The following CSRNP2 variants were observed in gnomAD, a reference collection of about 807,000 sequenced individuals.
The protein encoded by CSRNP2 is cysteine and serine rich nuclear protein 2.
Under a neutral mutation model 36.6 loss-of-function variants are expected in CSRNP2, and 11 were observed. That is an observed-to-expected ratio of 0.30 (90% confidence interval 0.19 to 0.50). CSRNP2 has a LOEUF of 0.50. Ranked by LOEUF, CSRNP2 falls within the 20% of genes least tolerant of loss-of-function variation. The pLI, the probability that CSRNP2 is intolerant of heterozygous loss-of-function variation, is 0.98. For synonymous variants in CSRNP2, 248 were observed against 275.3 expected, an observed-to-expected ratio of 0.90 and a Z score of 0.98; for missense variants, 483 against 691.4, an observed-to-expected ratio of 0.70 and a Z score of 3.38.
chr12:51,073,223 G>T (rs1395007542), intron 3 of CSRNP2, among the ~76,000 whole-genome samples: 1 of 142,518 alleles, frequency 7.0e-6, no homozygotes, highest in Non-Finnish European at 1.5e-5. Context: ...TGTCTCAAAA[G>T]AAAACATACA....
chr12:51,064,249 C>CT lies in CSRNP2; in HGVS notation c.1128dup (p.Ala377SerfsTer87). On this transcript the variant is annotated frameshift_variant, in exon 5 of 5. Transcript: ENST00000228515. LOFTEE classifies it high-confidence loss of function. ...AGCTGAGCCTGGATGAGAATGGGGGCTGTAAGGCCTGGGCACAGCTCTTCG... is the reference window on the plus strand; with the variant it reads ...AGCTGAGCCTGGATGAGAATGGGGGCTTGTAAGGCCTGGGCACAGCTCTTCG... The CT allele has an allele frequency of 6.2e-7, 1 of 1,613,106 alleles. No homozygotes were observed. Among genetic ancestry groups the CT allele is most frequent in the East Asian group, 2.2e-5 (1 of 44,868 alleles).
At chr12:51,076,798 T>G (rs1939421714) in intron 1 of CSRNP2, 151 bp from the exon 2 acceptor site, 2 of 482,134 alleles carry the variant, frequency 4.1e-6, no homozygotes, top group Non-Finnish European at 7.5e-6. Flanking sequence ...CTGGCCAACA[T>G]TCTCCTACTT....
intron 1 of CSRNP2, among the ~76,000 whole-genome samples, chr12:51,080,288 A>G (rs1939592263): frequency 6.6e-6 from 1 of 151,740 alleles, no homozygotes. Flanking sequence ...TCCGGTGAAT[A>G]TTTCTCTTTA....
Position 51,064,478 on chromosome 12 carries a change from G to A in CSRNP2, c.900C>T (p.Cys300=). ...CAGAGCCCTGTGCTCCTGTCAGGCT[G>A]CAACTGGCAGTCGGGGAGGGCTCCT... is the stretch of plus-strand genomic sequence containing the variant. The part of the protein sequence containing the change: ...PDEEPSPTAS[C]SLTGAQGSET... The change falls in exon 5 of 5, where the codon TGC becomes TGT. Residue 300 remains cysteine, a synonymous_variant. Transcript: ENST00000228515. 6.2e-7 allele frequency: 1 copy of A among 1,609,472 alleles called. No homozygotes were observed. Among genetic ancestry groups the A allele is most frequent in the Non-Finnish European group, 8.5e-7 (1 of 1,177,608 alleles).
At chr12:51,077,044 CAAAAAAAAAA>C (rs34490094) in intron 1 of CSRNP2, among the ~76,000 whole-genome samples, 1 of 126,748 alleles carries the variant, frequency 7.9e-6, no homozygotes, top group African/African-American at 3.0e-5. Flanking sequence ...GTTTGGTTGG[CAAAAAAAAAA>C]AAAAAAGGAA....
Position 51,067,585 on chromosome 12 carries a change from T to C in CSRNP2, c.708+88A>G, listed in dbSNP as rs1430607865. 8 of 1,323,230 alleles carry C rather than the reference T, an allele frequency of 6.0e-6. No homozygotes were observed. Among genetic ancestry groups the C allele is most frequent in the Non-Finnish European group, 8.5e-6 (8 of 942,494 alleles). 82.0% of individuals were successfully genotyped at this position (1,323,230 alleles called of 1,614,324 possible). On this transcript the variant is annotated intron_variant, in intron 4 of 4. Transcript: ENST00000228515. The surrounding 1 kb of genome is among the most constrained non-coding windows in gnomAD (Gnocchi z 4.1). The stretch of plus-strand genomic sequence containing the variant: ...TTCACAACCATAGGGAATCCACCCC[T>C]GAATGGGCCTCCCATGTTCAGTGGC...
At position 51,080,875 on chromosome 12, in the gene CSRNP2, C is replaced by A. The variant is rs142052857; in HGVS notation, c.-87+2464G>T. 7.5e-3 allele frequency among the ~76,000 whole-genome samples: 1,137 copies of A among 152,356 alleles called. 9 individuals carry two copies. Among genetic ancestry groups the A allele is most frequent in the African/African-American group, 0.026 (1,063 of 41,580 alleles). ...TCACTGGGCACCAAGAACAAACCTC[C>A]TGTTCACTTCCATGGTGCCCTGAAG... On this transcript the variant is annotated intron_variant, in intron 1 of 4. Transcript: ENST00000228515.
Position 51,064,176 on chromosome 12 carries a change from G to C in CSRNP2, c.1202C>G (p.Pro401Arg), listed in dbSNP as rs768093517. ...VLCFTENSDHPTASTVNSPSY... is the reference protein window; with the variant it reads ...VLCFTENSDHRTASTVNSPSY... Reference sequence around the variant, plus strand: ...TGGGCTGTTCACCGTTGAGGCAGTTGGGTGGTCTGAGTTCTCGGTAAAACA... The same window carrying C: ...TGGGCTGTTCACCGTTGAGGCAGTTCGGTGGTCTGAGTTCTCGGTAAAACA... Residue 401 changes from proline (P) to arginine (R), a missense_variant, in exon 5 of 5, where the codon CCA becomes CGA. This residue lies in a region of CSRNP2 where 277 missense variants were observed against 323.6 expected (regional missense o/e 0.86). Transcript: ENST00000228515. The C allele has an allele frequency of 2.0e-5, 33 of 1,614,168 alleles. No homozygotes were observed. Among genetic ancestry groups the C allele is most frequent in the Non-Finnish European group, 2.8e-5 (33 of 1,180,030 alleles).
At position 51,074,062 on chromosome 12, in the gene CSRNP2, G is replaced by T; in HGVS notation, c.172C>A (p.Gln58Lys). The T allele has an allele frequency of 1.9e-6, 3 of 1,614,116 alleles. No individual in the cohort carries two copies. Among genetic ancestry groups the T allele is most frequent in the Non-Finnish European group, 2.5e-6 (3 of 1,180,008 alleles). ...ACATTCTTCCTCCGCAGCTGCTTCT[G>T]CCGCTTCAGGATGGATGTGGCTGAG... The part of the protein sequence containing the change: ...SFTPTSILKR[Q>K]KQLRRKNVRF... The change falls in exon 3 of 5, where the codon CAG (glutamine) becomes AAG (lysine). Residue 58 changes from glutamine to lysine, a missense_variant. This residue lies in a region of CSRNP2 where 206 missense variants were observed against 367.8 expected (regional missense o/e 0.56). Transcript: ENST00000228515.
Position 51,067,845 on chromosome 12 carries a change from G to A in CSRNP2, c.536C>T (p.Pro179Leu). The change falls in exon 4 of 5, where the codon CCC (proline) becomes CTC (leucine). Residue 179 changes from proline to leucine, a missense_variant. Coordinates refer to ENST00000228515, the MANE Select transcript of CSRNP2 (RefSeq NM_030809.3). This position sits in a 1 kb window ranked among gnomAD's most constrained non-coding sequence, Gnocchi z 4.1. The stretch of plus-strand genomic sequence containing the variant: ...CAGCAGGGCCCGTCGCCGTTTGGTG[G>A]GCAGAGGCTGCAGGAAGAAGTAATC... The part of the protein sequence containing the change: ...VDDYFFLQPL[P>L]TKRRRALLRA... 1 of 1,614,162 alleles carries A rather than the reference G, an allele frequency of 6.2e-7. No homozygotes were observed. The highest frequency in any genetic ancestry group is 8.5e-7 in the Non-Finnish European group (1 of 1,180,030).
At chr12:51,072,562 CAAAAAAAAAAAAAAAA>C (rs71089741) in intron 3 of CSRNP2, among the ~76,000 whole-genome samples, 2 of 66,922 alleles carry the variant, frequency 3.0e-5, no homozygotes, top group Non-Finnish European at 5.2e-5. Flanking sequence ...GGCTCCGTCT[CAAAAAAAAAAAAAAAA>C]AAAAAAAAAA....
rs1378181254 is a variant in CSRNP2, at chr12:51,063,040, A to T, written c.*706T>A. ...TCTTTCTCCGAAGGAAAAAGGATGG[A>T]GAGAAAAAAGACACATAGACAAGTT... On this transcript the variant is annotated 3_prime_UTR_variant, in exon 5 of 5. Coordinates refer to ENST00000228515, the MANE Select transcript of CSRNP2 (RefSeq NM_030809.3). The T allele has an allele frequency of 6.6e-6, 1 of 152,246 alleles. No homozygotes were observed. The highest frequency in any genetic ancestry group is 2.4e-5 in the African/African-American group (1 of 41,462). 9.4% of individuals were successfully genotyped at this position (152,246 alleles called of 1,614,324 possible). A position where few individuals can be genotyped will look rare whatever the true frequency, so the allele number is the denominator to read the frequency against.
At chr12:51,080,572 C>G (rs1379572029) in intron 1 of CSRNP2, among the ~76,000 whole-genome samples, 1 of 152,178 alleles carries the variant, frequency 6.6e-6, no homozygotes, top group Non-Finnish European at 1.5e-5. Flanking sequence ...CTTAAGCTGT[C>G]TGAGAATAAC....
At chr12:51,079,789 A>AAAAAAT (rs1566187606) in intron 1 of CSRNP2, among the ~76,000 whole-genome samples, 1 of 147,346 alleles carries the variant, frequency 6.8e-6, no homozygotes, top group Non-Finnish European at 1.5e-5. Context: ...AAAAAAAAAA[A>AAAAAAT]AAAAGCTGGG....
rs1937885353 is a variant in CSRNP2 at position 51,064,337 on chromosome 12, G to A, written c.1041C>T (p.Ala347=). 6.2e-7 allele frequency: 1 copy of A among 1,614,076 alleles called. No homozygotes were observed. ...KAEEDSSGSS[A]SLDSSIESLG... is the part of the protein sequence containing the mutation. ...GGCTCTCGATGCTCGAGTCCAGGCT[G>A]GCACTAGAGCCGCTGGAATCTTCTT... Residue 347 remains alanine, a synonymous_variant, in exon 5 of 5, where the codon GCC becomes GCT. Coordinates refer to ENST00000228515, the MANE Select transcript of CSRNP2 (RefSeq NM_030809.3).
At position 51,067,831 on chromosome 12, in the gene CSRNP2, G is replaced by A. The variant is rs200822020; in HGVS notation, c.550C>T (p.Arg184Trp). Residue 184 changes from arginine to tryptophan, a missense_variant, in exon 4 of 5, where the codon CGG becomes TGG. Transcript: ENST00000228515. This position sits in a 1 kb window ranked among gnomAD's most constrained non-coding sequence, Gnocchi z 4.1. ...FLQPLPTKRRRALLRASGVHR... is the reference protein window; with the variant it reads ...FLQPLPTKRRWALLRASGVHR... ...ACCCCAGAAGCCCTCAGCAGGGCCCGTCGCCGTTTGGTGGGCAGAGGCTGC... is the reference window on the plus strand; with the variant it reads ...ACCCCAGAAGCCCTCAGCAGGGCCCATCGCCGTTTGGTGGGCAGAGGCTGC... 1.9e-6 allele frequency: 3 copies of A among 1,614,210 alleles called. No individual in the cohort carries two copies. The highest frequency in any genetic ancestry group is 1.7e-6 in the Non-Finnish European group (2 of 1,180,046).
At chr12:51,069,493 C>T (rs1447521739) in intron 3 of CSRNP2, among the ~76,000 whole-genome samples, 1 of 149,146 alleles carries the variant, frequency 6.7e-6, no homozygotes, top group Non-Finnish European at 1.5e-5. Flanking sequence ...CACAATGTTG[C>T]CCAGGCTGGT....
chr12:51,064,455 G>A lies in CSRNP2; in HGVS notation c.923C>T (p.Ser308Phe), dbSNP rs200011790. 60 of 1,610,384 alleles carry A rather than the reference G, an allele frequency of 3.7e-5. 1 individual carries two copies. The Admixed American group carries it at 9.9e-4, about 27-fold the overall frequency. ...GAACTCCTGGAAGTCCTGGGTCTCA[G>A]AGCCCTGTGCTCCTGTCAGGCTGCA... ...ASCSLTGAQG[S>F]ETQDFQEFIA... is the part of the protein sequence containing the mutation. The change falls in exon 5 of 5, where the codon TCT becomes TTT. Residue 308 changes from serine to phenylalanine, a missense_variant. This residue lies in a region of CSRNP2 where 277 missense variants were observed against 323.6 expected (regional missense o/e 0.86). Coordinates refer to ENST00000228515, the MANE Select transcript of CSRNP2 (RefSeq NM_030809.3).
At chr12:51,069,077 G>A (rs1592753710) in intron 3 of CSRNP2, among the ~76,000 whole-genome samples, 1 of 152,102 alleles carries the variant, frequency 6.6e-6, no homozygotes, top group Admixed American at 6.6e-5. Flanking sequence ...CTGGGTTCAC[G>A]CCATTCTCCT....
Sources: allele counts gnomAD v4.1 joint callset (sites outside exome capture counted in the v4.1 genomes callset), GRCh38; gene constraint gnomAD v4.1.1; regional missense constraint gnomAD v4.1.1; non-coding constraint Gnocchi (gnomAD v3.1); transcripts MANE v1.5; gene names NCBI Gene and HGNC (gene_info 2026-07-23, HGNC 2026-07-21).